LIN9: variants seen among roughly 807,000 people sequenced by gnomAD.
LIN9 encodes the protein lin-9 DREAM MuvB core complex component.
LIN9 carries 18 observed loss-of-function variants against 78.0 expected under a neutral mutation model. The ratio of observed to expected loss-of-function variants is 0.23; its 90% confidence interval spans 0.16 to 0.34. The LOEUF is 0.34. LIN9 is among the 10% of genes least tolerant of loss of function. The probability of loss-of-function intolerance (pLI) is 1.00; values close to 1 mark genes in which losing one functional copy is unlikely to be tolerated. For missense variants in LIN9, 451 were observed against 644.1 expected (o/e 0.70, Z 3.25); for synonymous variants, 192 against 215.2 (o/e 0.89, Z 0.94).
chr1:226,244,156 G>A (rs1005379020), intron 11 of LIN9, among the ~76,000 whole-genome samples: 4 of 150,168 alleles, frequency 2.7e-5, no homozygotes, highest in Non-Finnish European at 4.4e-5. Context: ...GATTACAGGC[G>A]TGAGCCACCG....
At chr1:226,237,143 C>G (rs1449083392) in intron 12 of LIN9, among the ~76,000 whole-genome samples, 2 of 152,098 alleles carry the variant, frequency 1.3e-5, no homozygotes, top group East Asian at 3.8e-4. Flanking sequence ...CACAAATGGC[C>G]TTGGGTACTA....
In LIN9 at chr1:226,265,565, C is replaced by G. The variant is rs1558176478; in HGVS notation, c.1006G>C (p.Gly336Arg). 6.2e-7 allele frequency: 1 copy of G among 1,611,266 alleles called. No individual in the cohort carries two copies. Among genetic ancestry groups the G allele is most frequent in the Non-Finnish European group, 8.5e-7 (1 of 1,177,610 alleles). The change falls in exon 10 of 15, where the codon GGT becomes CGT. Residue 336 changes from glycine to arginine, a missense_variant. Transcript: ENST00000681046. The surrounding 1 kb of genome is among the most constrained non-coding windows in gnomAD (Gnocchi z 4.1). Reference sequence around the variant, plus strand: ...ATAAGAAATTCTACTGGAAAACCACCTAATGTTTCAGTGTCAGAGCCAGAA... The same window carrying G: ...ATAAGAAATTCTACTGGAAAACCACGTAATGTTTCAGTGTCAGAGCCAGAA... Reference protein sequence around the residue: ...KISGSDTETLGGFPVEFLIQV... With the variant: ...KISGSDTETLRGFPVEFLIQV...
In LIN9 at chr1:226,295,953, T is replaced by C. The variant is rs1271719739; in HGVS notation, c.160-7A>G. On this transcript the variant is annotated splice_region_variant and splice_polypyrimidine_tract_variant and intron_variant, in intron 3 of 14. Transcript: ENST00000681046. ...GTTTTGAATTTCTGAAAGGCTATGA[T>C]AGAAATGTTTTCATTTAATGAAAAA... 6.3e-7 allele frequency: 1 copy of C among 1,583,416 alleles called. No homozygotes were observed. Among genetic ancestry groups the C allele is most frequent in the Admixed American group, 1.7e-5 (1 of 57,300 alleles).
At chr1:226,252,839 C>T (rs2102872124) in intron 10 of LIN9, among the ~76,000 whole-genome samples, 1 of 152,130 alleles carries the variant, frequency 6.6e-6, no homozygotes, top group African/African-American at 2.4e-5. Context: ...TGGTGGTGGA[C>T]ACCTGTAGTT....
chr1:226,241,409 A>AGTG (rs1400219696), intron 11 of LIN9, among the ~76,000 whole-genome samples: 1 of 152,216 alleles, frequency 6.6e-6, no homozygotes, highest in African/African-American at 2.4e-5. Flanking sequence ...AAATCATTAA[A>AGTG]AGCTCTATCT....
intron 14 of LIN9, 194 bp downstream of exon 14, chr1:226,232,902 A>G: frequency 2.0e-6 from 1 of 501,232 alleles, no homozygotes; most frequent in Non-Finnish European, 3.5e-6. Flanking sequence ...ATATGTCCTG[A>G]TTTCTTTATA....
chr1:226,280,369 T>A (rs1660968891), intron 6 of LIN9, among the ~76,000 whole-genome samples: 1 of 152,190 alleles, frequency 6.6e-6, no homozygotes, highest in South Asian at 2.1e-4. Flanking sequence ...TAATAATGAT[T>A]TTTTTGTATG....
At chr1:226,268,510 T>G (rs533482073) in intron 7 of LIN9, among the ~76,000 whole-genome samples, 1 of 152,288 alleles carries the variant, frequency 6.6e-6, no homozygotes, top group South Asian at 2.1e-4. Context: ...TAGGAAAACC[T>G]CCTTGCAAGG....
chr1:226,269,218 A>G (rs560424752), intron 7 of LIN9, among the ~76,000 whole-genome samples: 2 of 152,362 alleles, frequency 1.3e-5, no homozygotes, highest in African/African-American at 2.4e-5. Context: ...AAAAGGATCA[A>G]TTGATAAAAA....
At chr1:226,240,386 GTT>G (rs34988388) in intron 11 of LIN9, among the ~76,000 whole-genome samples, 143 of 123,930 alleles carry the variant, frequency 1.2e-3, no homozygotes, top group East Asian at 2.1e-3. Context: ...CTTGTTCTAA[GTT>G]TTTTTTTTTT....
At chr1:226,300,267 C>T (rs962007832) in intron 2 of LIN9, among the ~76,000 whole-genome samples, 1 of 151,850 alleles carries the variant, frequency 6.6e-6, no homozygotes, top group Non-Finnish European at 1.5e-5. Flanking sequence ...TAAGCTATTA[C>T]GGGCCAGGTG....
intron 12 of LIN9, among the ~76,000 whole-genome samples, chr1:226,235,118 A>G (rs1305094664): frequency 6.6e-6 from 1 of 151,812 alleles, no homozygotes; most frequent in Admixed American, 6.6e-5. Flanking sequence ...GGATCACCTG[A>G]GGTCAGGAGT....
chr1:226,277,674 TG>T (rs1660754171), intron 7 of LIN9, 100 bp downstream of exon 7: 2 of 1,032,828 alleles, frequency 1.9e-6, no homozygotes, highest in African/African-American at 3.3e-5. Context: ...AAATATTTCT[TG>T]GTAATTAAAA....
intron 6 of LIN9, among the ~76,000 whole-genome samples, chr1:226,278,804 A>C (rs1474637273): frequency 1.4e-5 from 2 of 145,308 alleles, no homozygotes; most frequent in Non-Finnish European, 3.0e-5. Flanking sequence ...AGCCTGGGTG[A>C]CAGAGTAAAA....
At chr1:226,309,496 C>T, upstream of LIN9, 2 of 1,122,644 alleles carry the variant, frequency 1.8e-6, no homozygotes, top group Middle Eastern at 2.5e-4. Flanking sequence ...GCGGCCCGCG[C>T]TGCAGCTGCG....
intron 1 of LIN9, 120 bp downstream of exon 1, chr1:226,308,989 A>G: frequency 4.0e-6 from 4 of 1,008,988 alleles, no homozygotes; most frequent in Non-Finnish European, 5.2e-6. Context: ...AGGGGACCAC[A>G]GTGGGGCTGG....
At chr1:226,234,445 T>C (rs982792872) in intron 12 of LIN9, among the ~76,000 whole-genome samples, 20 of 152,318 alleles carry the variant, frequency 1.3e-4, no homozygotes, top group African/African-American at 4.8e-4. Context: ...TATAATCTCT[T>C]ACTATATTTA....
chr1:226,293,205 A>G (rs1661902342), intron 4 of LIN9, among the ~76,000 whole-genome samples: 1 of 152,232 alleles, frequency 6.6e-6, no homozygotes, highest in African/African-American at 2.4e-5. Flanking sequence ...CTCAGAGGAT[A>G]TAAAAACTTT....
intron 10 of LIN9, among the ~76,000 whole-genome samples, chr1:226,261,159 A>G (rs1323317769): frequency 6.6e-6 from 1 of 152,072 alleles, no homozygotes; most frequent in African/African-American, 2.4e-5. Flanking sequence ...AAAATCTACA[A>G]AAAAACCTCA....
Sources: gnomAD v4.1 joint callset for allele counts (sites outside exome capture counted in the v4.1 genomes callset) on GRCh38, gnomAD v4.1.1 for gene constraint, Gnocchi (gnomAD v3.1) non-coding constraint, MANE v1.5 for transcripts, NCBI Gene and HGNC (gene_info 2026-07-23, HGNC 2026-07-21) for gene names.